ITGB3BP: variants seen among roughly 807,000 people sequenced by gnomAD.
The protein encoded by ITGB3BP is integrin subunit beta 3 binding protein, also known as centromere protein R.
Under a neutral mutation model 29.1 loss-of-function variants are expected in ITGB3BP, and 27 were observed. The observed-to-expected ratio is 0.93, with a 90% CI of 0.68 to 1.28. ITGB3BP has a LOEUF of 1.28. ITGB3BP is among the 50% of genes most tolerant of loss of function. The pLI is 0.00. For missense variants in ITGB3BP, 192 were observed against 200.2 expected, an observed-to-expected ratio of 0.96 and a Z score of 0.25; for synonymous variants, 61 against 61.4, an observed-to-expected ratio of 0.99 and a Z score of 0.03.
chr1:63,519,540 A>G (rs1646404601), intron 1 of ITGB3BP, among the ~76,000 whole-genome samples: 1 of 152,100 alleles, frequency 6.6e-6, no homozygotes, highest in South Asian at 2.1e-4. Context: ...AATTGCATTT[A>G]AATTTCATAT....
At chr1:63,501,292 A>C (rs1056105014) in intron 2 of ITGB3BP, among the ~76,000 whole-genome samples, 1 of 152,234 alleles carries the variant, frequency 6.6e-6, no homozygotes, top group Admixed American at 6.5e-5. Flanking sequence ...CTCGGATATG[A>C]CATCAAAAGG....
At position 63,478,817 on chromosome 1, in the gene ITGB3BP, C is replaced by A. The variant is rs777568816; in HGVS notation, c.201G>T (p.Leu67Phe). Residue 67 changes from leucine to phenylalanine, a missense_variant, in exon 4 of 9, where the codon TTG (leucine) becomes TTT (phenylalanine). Coordinates refer to ENST00000271002, the MANE Select transcript of ITGB3BP (RefSeq NM_014288.5). ...TGCTTTCAGTTAAACTGGGGTGATT[C>A]AATTTTTTTCTCTTTTCTATATATG... ...NGLSNEKRKK[L>F]NHPSLTESKE... 1.4e-6 allele frequency: 2 copies of A among 1,387,736 alleles called. No individual in the cohort carries two copies. Among genetic ancestry groups the A allele is most frequent in the Admixed American group, 2.4e-5 (1 of 40,998 alleles). The allele number at this position is 1,387,736 out of a possible 1,614,324, so 86.0% of individuals were successfully genotyped here.
chr1:63,475,269 G>A (rs1477317139), intron 4 of ITGB3BP, among the ~76,000 whole-genome samples: 1 of 152,166 alleles, frequency 6.6e-6, no homozygotes, highest in Non-Finnish European at 1.5e-5. Context: ...GAACCACCAT[G>A]CCTGGCAATA....
chr1:63,465,973 T>A (rs1159044129), intron 4 of ITGB3BP, among the ~76,000 whole-genome samples: 1 of 152,024 alleles, frequency 6.6e-6, no homozygotes, highest in African/African-American at 2.4e-5. Flanking sequence ...GTGGACAGAG[T>A]GGGCTGACCC....
intron 4 of ITGB3BP, among the ~76,000 whole-genome samples, chr1:63,473,235 C>T (rs1296739894): frequency 1.3e-5 from 2 of 151,556 alleles, no homozygotes; most frequent in Non-Finnish European, 2.9e-5. Flanking sequence ...AACCCTCTGC[C>T]TGGCAACCGC....
Position 63,477,154 on chromosome 1 carries a change from C to T in ITGB3BP, c.254+1610G>A, listed in dbSNP as rs896343987. 8.7e-4 allele frequency among the ~76,000 whole-genome samples: 133 copies of T among 152,142 alleles called. 2 individuals are homozygous for T. The highest frequency in any genetic ancestry group is 3.1e-4 in the Non-Finnish European group (21 of 68,030). The stretch of plus-strand genomic sequence containing the variant: ...ATGGAGGAGATGCCAAACAATGAGG[C>T]TTCTTTGAAAAACTCTTCTCTTTGT... On this transcript the variant is annotated intron_variant, in intron 4 of 8. Coordinates refer to ENST00000271002, the MANE Select transcript of ITGB3BP (RefSeq NM_014288.5).
At chr1:63,516,371 G>C (rs1041306826) in intron 1 of ITGB3BP, among the ~76,000 whole-genome samples, 6 of 137,912 alleles carry the variant, frequency 4.4e-5, no homozygotes, top group African/African-American at 1.1e-4. Context: ...GGAGAAGGGG[G>C]GGGGAAGGGA....
intron 1 of ITGB3BP, 77 bp from the exon 2 acceptor site, chr1:63,508,647 T>A: frequency 1.6e-6 from 1 of 641,734 alleles, no homozygotes; most frequent in Non-Finnish European, 2.6e-6. Flanking sequence ...AGGGAAGATA[T>A]ATAAACAAAG....
chr1:63,523,212 A>G lies in ITGB3BP; in HGVS notation c.-79T>C, dbSNP rs751002081. 6.2e-7 allele frequency: 1 copy of G among 1,600,554 alleles called. No individual in the cohort carries two copies. Among genetic ancestry groups the G allele is most frequent in the Non-Finnish European group, 8.5e-7 (1 of 1,169,596 alleles). Reference sequence around the variant, plus strand: ...CCGAAAACAGAAAATCCGCCAAAGGAAACGCCAAGGCATGAAAAGCGCGCG... The same window carrying G: ...CCGAAAACAGAAAATCCGCCAAAGGGAACGCCAAGGCATGAAAAGCGCGCG... On this transcript the variant is annotated 5_prime_UTR_variant, in exon 1 of 9. Transcript: ENST00000271002.
chr1:63,525,717 A>C (rs756829642), upstream of ITGB3BP: 1 of 1,583,308 alleles, frequency 6.3e-7, no homozygotes, highest in Non-Finnish European at 8.5e-7. Flanking sequence ...TGTCTTCAAA[A>C]GCAGCTTGGA....
At chr1:63,511,940 T>G (rs1249769743) in intron 1 of ITGB3BP, among the ~76,000 whole-genome samples, 1 of 152,114 alleles carries the variant, frequency 6.6e-6, no homozygotes, top group African/African-American at 2.4e-5. Context: ...ATAGTAAATT[T>G]TGTTATATAT....
At chr1:63,494,020 A>G (rs183829512) in intron 2 of ITGB3BP, among the ~76,000 whole-genome samples, 43 of 152,358 alleles carry the variant, frequency 2.8e-4, no homozygotes, top group African/African-American at 9.4e-4. Flanking sequence ...AGATATAATT[A>G]ATATGCATTA....
Position 63,480,687 on chromosome 1 carries a change from G to A in ITGB3BP, c.185-1854C>T, listed in dbSNP as rs568248670. ...ACAATTAAATTGTTACCCCAAAATA[G>A]TCTCTAATGCAAAAGGAGAAAAAAC... On this transcript the variant is annotated intron_variant, in intron 3 of 8. Coordinates refer to ENST00000271002, the MANE Select transcript of ITGB3BP (RefSeq NM_014288.5). Among the ~76,000 whole-genome samples the A allele has an allele frequency of 2.0e-5, 3 of 151,942 alleles. No individual in the cohort carries two copies. In the South Asian group the frequency reaches 6.2e-4, roughly 32 times the overall value.
chr1:63,498,233 C>T (rs1432327539), intron 2 of ITGB3BP, among the ~76,000 whole-genome samples: 1 of 151,976 alleles, frequency 6.6e-6, no homozygotes, highest in African/African-American at 2.4e-5. Context: ...TAGAACCCTC[C>T]CCCAACAACA....
chr1:63,450,813 AG>A (rs964232762), intron 7 of ITGB3BP, among the ~76,000 whole-genome samples: 2 of 151,978 alleles, frequency 1.3e-5, no homozygotes, highest in African/African-American at 4.8e-5. Context: ...TTAGCAGAGG[AG>A]ATCCTCTTTT....
chr1:63,520,449 A>T (rs971269321), intron 1 of ITGB3BP, among the ~76,000 whole-genome samples: 1 of 152,180 alleles, frequency 6.6e-6, no homozygotes, highest in African/African-American at 2.4e-5. Flanking sequence ...CAAGATTGGA[A>T]GGGAAGATGA....
rs146569891 is a variant in ITGB3BP at position 63,506,032 on chromosome 1, G to A, written c.48+2496C>T. Among the ~76,000 whole-genome samples, 8 of 152,214 alleles carry A rather than the reference G, an allele frequency of 5.3e-5. No individual in the cohort carries two copies. In the East Asian group the frequency reaches 1.2e-3, roughly 22 times the overall value. On this transcript the variant is annotated intron_variant, in intron 2 of 8. Transcript: ENST00000271002. ...AGTTCTGTAGATGTCTATTAGGTCC[G>A]CCTGGTGCAGAACTGAGTTCAATTC...
intron 2 of ITGB3BP, among the ~76,000 whole-genome samples, chr1:63,490,895 C>T (rs1000001649): frequency 6.6e-6 from 1 of 152,068 alleles, no homozygotes; most frequent in African/African-American, 2.4e-5. Context: ...TCTTTATATC[C>T]TAGAGAACTA....
intron 4 of ITGB3BP, among the ~76,000 whole-genome samples, chr1:63,459,670 C>T (rs2100528603): frequency 6.6e-6 from 1 of 152,182 alleles, no homozygotes; most frequent in South Asian, 2.1e-4. Flanking sequence ...AATACTGTCT[C>T]CATTTTACAG....
Sources: allele counts gnomAD v4.1 joint callset (sites outside exome capture counted in the v4.1 genomes callset), GRCh38; gene constraint gnomAD v4.1.1; transcripts MANE v1.5; gene names NCBI Gene and HGNC (gene_info 2026-07-23, HGNC 2026-07-21).